Variants in SEH1L observed in about 807,000 individuals in gnomAD.
SEH1L encodes nucleoporin SEH1.
A neutral mutation model predicts 49.5 loss-of-function variants in SEH1L; 18 were observed. The observed-to-expected ratio is 0.36, with a 90% CI of 0.25 to 0.54. The LOEUF (loss-of-function observed/expected upper bound fraction) is 0.54, where lower values mean the gene tolerates loss of function less well. Among genes scored for constraint, SEH1L ranks in the 20% least tolerant of loss-of-function variants. SEH1L has a pLI of 0.87. For synonymous variants in SEH1L, 169 were observed against 178.1 expected (o/e 0.95, Z 0.41); for missense variants, 404 against 528.8 (o/e 0.76, Z 2.31).
chr18:12,970,449 C>T (rs748275777), intron 4 of SEH1L, among the ~76,000 whole-genome samples: 1 of 152,208 alleles, frequency 6.6e-6, no homozygotes, highest in Non-Finnish European at 1.5e-5. Flanking sequence ...GAAAGAGACT[C>T]TCACTCTGTT....
intron 6 of SEH1L, among the ~76,000 whole-genome samples, chr18:12,979,723 C>T (rs1420840694): frequency 4.1e-5 from 6 of 147,226 alleles, no homozygotes; most frequent in East Asian, 2.1e-4. Context: ...CCCTCCCGGA[C>T]GGGGCGGCTG....
chr18:12,955,066 G>T (rs1050471932), intron 2 of SEH1L, among the ~76,000 whole-genome samples: 1 of 151,954 alleles, frequency 6.6e-6, no homozygotes, highest in Non-Finnish European at 1.5e-5. Context: ...GGTATTTTCT[G>T]TAGAAAGAAT....
chr18:12,967,940 A>G (rs2031526739), intron 4 of SEH1L, among the ~76,000 whole-genome samples: 1 of 151,746 alleles, frequency 6.6e-6, no homozygotes, highest in Non-Finnish European at 1.5e-5. Flanking sequence ...AAAAAAAAAA[A>G]GAAAGCCTGA....
chr18:12,973,871 T>G (rs948602500), intron 5 of SEH1L: 2 of 152,200 alleles, frequency 1.3e-5, no homozygotes, highest in African/African-American at 4.8e-5. Flanking sequence ...CTCCCTCTTA[T>G]GATCACAAAA....
chr18:12,949,269 GA>G (rs1336834917), intron 1 of SEH1L, among the ~76,000 whole-genome samples: 17 of 151,880 alleles, frequency 1.1e-4, no homozygotes, highest in Non-Finnish European at 4.4e-5. Context: ...TTTGGTTCTC[GA>G]CAACTCCAGA....
At chr18:12,982,461 A>G (rs866317743) in intron 6 of SEH1L, 57 bp from the exon 7 acceptor site, 7 of 1,261,154 alleles carry the variant, frequency 5.6e-6, no homozygotes, top group Middle Eastern at 1.9e-4. Flanking sequence ...GTGTGTGTAT[A>G]TATATATGTT....
chr18:12,982,324 G>GA (rs1353133294), intron 6 of SEH1L, among the ~76,000 whole-genome samples, 194 bp from the exon 7 acceptor site: 1 of 152,164 alleles, frequency 6.6e-6, no homozygotes, highest in Non-Finnish European at 1.5e-5. Context: ...CGAGTTAAAT[G>GA]AAAATGACAT....
intron 5 of SEH1L, chr18:12,975,708 TCA>T (rs1318287739): frequency 2.0e-6 from 2 of 985,554 alleles, no homozygotes; most frequent in African/African-American, 1.7e-5. Flanking sequence ...TCCAGTAGAG[TCA>T]CAAGGTTGTA....
chr18:12,979,604 G>A (rs1377977450), intron 6 of SEH1L, among the ~76,000 whole-genome samples: 1 of 151,814 alleles, frequency 6.6e-6, no homozygotes, highest in Non-Finnish European at 1.5e-5. Flanking sequence ...AGACGGGGTG[G>A]TGGCTGGGCA....
chr18:12,948,067 CGCCGCCGCT>C lies in SEH1L; in HGVS notation c.-46_-38del, dbSNP rs878916207. The C allele has an allele frequency of 6.2e-5, 88 of 1,417,534 alleles. 1 individual carries two copies. Among genetic ancestry groups the C allele is most frequent in the South Asian group, 5.1e-4 (43 of 84,452 alleles). 87.8% of individuals were successfully genotyped at this position (1,417,534 alleles called of 1,614,324 possible). ...TCTGGCTAGGCTACGGGCCACGCGC[CGCCGCCGCT>C]GCCGCCGCCACTGTCCTCTTCGGAG... On this transcript the variant is annotated 5_prime_UTR_variant, in exon 1 of 9. Transcript: ENST00000399892.
chr18:12,959,916 A>G (rs2031091870), intron 3 of SEH1L, among the ~76,000 whole-genome samples: 1 of 152,194 alleles, frequency 6.6e-6, no homozygotes, highest in South Asian at 2.1e-4. Flanking sequence ...AGATAGAGAA[A>G]GGTTTATTCG....
rs548118099 is a variant in SEH1L at position 12,952,293 on chromosome 18, C to T, written c.162+388C>T. ...TCTTGCCCAGGTGGGAGTGCAGTGGCGTGATCTTGGCTCACTGCAACCTCC... is the reference window on the plus strand; with the variant it reads ...TCTTGCCCAGGTGGGAGTGCAGTGGTGTGATCTTGGCTCACTGCAACCTCC... On this transcript the variant is annotated intron_variant, in intron 2 of 8. Coordinates refer to ENST00000399892, the MANE Select transcript of SEH1L (RefSeq NM_001013437.2). Among the ~76,000 whole-genome samples the T allele has an allele frequency of 1.2e-4, 17 of 145,482 alleles. No individual in the cohort carries two copies. The South Asian group carries it at 2.6e-3, about 22-fold the overall frequency.
chr18:12,979,757 C>T (rs1308202422), intron 6 of SEH1L, among the ~76,000 whole-genome samples: 1 of 134,226 alleles, frequency 7.5e-6, no homozygotes, highest in Non-Finnish European at 1.6e-5. Flanking sequence ...CTGACCCCCC[C>T]ACCTCCCTCC....
chr18:12,962,193 T>G (rs895020586), intron 3 of SEH1L, among the ~76,000 whole-genome samples: 1 of 150,578 alleles, frequency 6.6e-6, no homozygotes, highest in Non-Finnish European at 1.5e-5. Flanking sequence ...GCCAGGAGTT[T>G]GAGACCCATC....
At chr18:12,968,119 G>C (rs1406751276) in intron 4 of SEH1L, among the ~76,000 whole-genome samples, 1 of 152,088 alleles carries the variant, frequency 6.6e-6, no homozygotes, top group Non-Finnish European at 1.5e-5. Flanking sequence ...GCTGATCTTT[G>C]CTTATTTATA....
In SEH1L at chr18:12,982,583, A is replaced by G; in HGVS notation, c.827A>G (p.Asn276Ser). 1.2e-6 allele frequency: 2 copies of G among 1,613,908 alleles called. No homozygotes were observed. Among genetic ancestry groups the G allele is most frequent in the African/African-American group, 2.7e-5 (2 of 75,040 alleles). Residue 276 changes from asparagine (N) to serine (S), a missense_variant, in exon 7 of 9, where the codon AAT becomes AGT. By Grantham distance (46) the Asn-to-Ser change is conservative (BLOSUM62 1). Coordinates refer to ENST00000399892, the MANE Select transcript of SEH1L (RefSeq NM_001013437.2). ...ATCCATATAGTGGCTCAGTTCGATAATCATAATTCTCAGGTCTGGCGAGTG... is the reference window on the plus strand; with the variant it reads ...ATCCATATAGTGGCTCAGTTCGATAGTCATAATTCTCAGGTCTGGCGAGTG... ...FEIHIVAQFD[N>S]HNSQVWRVSW...
At chr18:12,977,253 TC>T (rs1205834715) in intron 5 of SEH1L, 4 of 152,194 alleles carry the variant, frequency 2.6e-5, no homozygotes, top group Non-Finnish European at 5.9e-5. Flanking sequence ...CCACCCAGTC[TC>T]CTACATGCAG....
At chr18:12,959,000 A>G (rs2031039888) in intron 3 of SEH1L, among the ~76,000 whole-genome samples, 1 of 152,184 alleles carries the variant, frequency 6.6e-6, no homozygotes, top group Admixed American at 6.6e-5. Context: ...CCAAATCTTC[A>G]TCAGCACTTG....
At chr18:12,957,412 G>C (rs2030933496) in intron 3 of SEH1L, among the ~76,000 whole-genome samples, 1 of 150,386 alleles carries the variant, frequency 6.6e-6, no homozygotes, top group Non-Finnish European at 1.5e-5. Context: ...TGGGGAACAA[G>C]AGCGAGACTT....
Sources: allele counts gnomAD v4.1 joint callset (sites outside exome capture counted in the v4.1 genomes callset), GRCh38; gene constraint gnomAD v4.1.1; transcripts MANE v1.5; gene names NCBI Gene and HGNC (gene_info 2026-07-23, HGNC 2026-07-21).